The following EYA1 variants were observed in gnomAD, a reference collection of about 807,000 sequenced individuals.
EYA1 encodes the protein EYA transcriptional coactivator and phosphatase 1, also known as protein phosphatase EYA1.
In EYA1, 16 loss-of-function variants were observed where a neutral mutation model predicts 82.0. The ratio of observed to expected loss-of-function variants is 0.20; its 90% CI spans 0.13 to 0.30. EYA1 has a LOEUF of 0.30. Ranked by LOEUF, EYA1 falls within the 10% of genes least tolerant of loss-of-function variation. EYA1 has a pLI of 1.00. For missense variants in EYA1, 633 were observed against 730.7 expected, an observed-to-expected ratio of 0.87 and a Z score of 1.54; for synonymous variants, 261 against 264.4, an observed-to-expected ratio of 0.99 and a Z score of 0.12.
chr8:71,448,359 A>G (rs1005437666), intron 2 of EYA1, among the ~76,000 whole-genome samples: 2 of 152,172 alleles, frequency 1.3e-5, no homozygotes, highest in East Asian at 1.9e-4. Context: ...TGGCTCATCC[A>G]TAAGAAGCAA....
At chr8:71,223,898 T>A (rs1563647052) in intron 12 of EYA1, among the ~76,000 whole-genome samples, 1 of 152,172 alleles carries the variant, frequency 6.6e-6, no homozygotes, top group East Asian at 1.9e-4. Context: ...AGTTGTACTT[T>A]CCCCCCAAGC....
intron 9 of EYA1, among the ~76,000 whole-genome samples, chr8:71,285,086 A>G (rs1007837968): frequency 2.6e-5 from 4 of 152,214 alleles, no homozygotes; most frequent in Admixed American, 6.5e-5. Context: ...GAGATGCTCA[A>G]TGGCTGGTAA....
At chr8:71,504,284 A>G (rs10090235) in intron 2 of EYA1, among the ~76,000 whole-genome samples, 104,339 of 152,126 alleles carry the variant, frequency 0.69, 37,776 homozygotes, top group East Asian at 0.92. Context: ...GCATTTAAGT[A>G]TAAATGAGCT....
At position 71,358,334 on chromosome 8, in the gene EYA1, G is replaced by A. The variant is rs555190113; in HGVS notation, c.-54-1823C>T. On this transcript the variant is annotated intron_variant, in intron 1 of 17. Transcript: ENST00000340726. ...CACGACAACACATTTCTTTTATGCT[G>A]GTTCAACTAGACTCTACTGTATTTT... is the stretch of plus-strand genomic sequence containing the variant. 2.6e-5 allele frequency among the ~76,000 whole-genome samples: 4 copies of A among 152,154 alleles called. No individual in the cohort carries two copies. The South Asian group carries it at 8.3e-4, about 32-fold the overall frequency.
Position 71,516,551 on chromosome 8 carries a change from G to A in EYA1, c.33+19193C>T, listed in dbSNP as rs150602799. 3.3e-5 allele frequency among the ~76,000 whole-genome samples: 5 copies of A among 152,270 alleles called. No individual in the cohort carries two copies. In the East Asian group the frequency reaches 9.6e-4, roughly 29 times the overall value. The stretch of plus-strand genomic sequence containing the variant: ...GAGAGATGGTTCAAGATGATCCTCA[G>A]CCAGTAACACATAAATGATTATTTA... On this transcript the variant is annotated intron_variant, in intron 2 of 18. Transcript: ENST00000643681.
chr8:71,279,444 C>T (rs765769664), intron 9 of EYA1, among the ~76,000 whole-genome samples: 2 of 152,318 alleles, frequency 1.3e-5, no homozygotes, highest in African/African-American at 4.8e-5. Flanking sequence ...AGGTTGAAAT[C>T]TAAGTCAAGA....
At chr8:71,278,579 C>T (rs953821041) in intron 9 of EYA1, among the ~76,000 whole-genome samples, 1 of 152,174 alleles carries the variant, frequency 6.6e-6, no homozygotes, top group Admixed American at 6.5e-5. Flanking sequence ...AGTCCAAATC[C>T]TTTGCCAGTT....
At chr8:71,305,610 C>G (rs1006540968) in intron 7 of EYA1, among the ~76,000 whole-genome samples, 1 of 151,824 alleles carries the variant, frequency 6.6e-6, no homozygotes, top group Non-Finnish European at 1.5e-5. Flanking sequence ...CATGCTATTG[C>G]GCTCCAGCTT....
chr8:71,499,526 T>C (rs1464296394), intron 2 of EYA1, among the ~76,000 whole-genome samples: 2 of 152,146 alleles, frequency 1.3e-5, no homozygotes, highest in Non-Finnish European at 2.9e-5. Context: ...GCCATTATGT[T>C]ACATGAGGCA....
At chr8:71,226,920 C>T (rs576341723) in intron 12 of EYA1, among the ~76,000 whole-genome samples, 123 of 151,924 alleles carry the variant, frequency 8.1e-4, no homozygotes, top group African/African-American at 2.6e-3. Context: ...ATTTATGGTT[C>T]AGTTAATTTA....
At chr8:71,207,361 A>G (rs373390388) in intron 17 of EYA1, among the ~76,000 whole-genome samples, 2 of 152,356 alleles carry the variant, frequency 1.3e-5, no homozygotes, top group South Asian at 2.1e-4. Context: ...TTCTCCTTCA[A>G]TAAAGTTAGA....
chr8:71,356,673 G>T (rs1271872633), intron 1 of EYA1, 162 bp from the exon 2 acceptor site: 1 of 1,320,926 alleles, frequency 7.6e-7, no homozygotes, highest in African/African-American at 1.5e-5. Context: ...TTTAAGTTGA[G>T]GTCTCAACTG....
intron 11 of EYA1, among the ~76,000 whole-genome samples, chr8:71,266,437 C>T (rs1036540616): frequency 6.6e-6 from 1 of 152,136 alleles, no homozygotes; most frequent in Non-Finnish European, 1.5e-5. Context: ...AGAGCCAATT[C>T]TTATCAACTG....
intron 12 of EYA1, among the ~76,000 whole-genome samples, chr8:71,224,397 G>A (rs762226947): frequency 6.6e-6 from 1 of 152,236 alleles, no homozygotes; most frequent in Non-Finnish European, 1.5e-5. Flanking sequence ...TTACATCAAT[G>A]TGCCTATTGA....
At chr8:71,427,062 G>A (rs1405066129) in intron 2 of EYA1, among the ~76,000 whole-genome samples, 4 of 152,228 alleles carry the variant, frequency 2.6e-5, no homozygotes, top group Non-Finnish European at 5.9e-5. Flanking sequence ...AGAGTATGAA[G>A]CTGGTCTGCT....
chr8:71,326,612 A>G (rs1178588408), intron 4 of EYA1, among the ~76,000 whole-genome samples: 1 of 152,194 alleles, frequency 6.6e-6, no homozygotes, highest in East Asian at 1.9e-4. Flanking sequence ...CAGGGATACT[A>G]AGGCAGGCCT....
intron 2 of EYA1, among the ~76,000 whole-genome samples, chr8:71,521,452 A>G (rs1200276728): frequency 6.6e-6 from 1 of 152,132 alleles, no homozygotes; most frequent in Non-Finnish European, 1.5e-5. Context: ...ATTTTGTTAT[A>G]TTTTGATATA....
At chr8:71,504,823 A>T (rs926237590) in intron 2 of EYA1, among the ~76,000 whole-genome samples, 1 of 152,020 alleles carries the variant, frequency 6.6e-6, no homozygotes, top group African/African-American at 2.4e-5. Context: ...TTTTTTTGAG[A>T]CACAGTCTCC....
At chr8:71,246,963 C>A (rs1813174112) in intron 11 of EYA1, among the ~76,000 whole-genome samples, 1 of 151,464 alleles carries the variant, frequency 6.6e-6, no homozygotes, top group African/African-American at 2.4e-5. Flanking sequence ...CCTTCCAGCA[C>A]CTCCCACATC....
Sources: allele counts gnomAD v4.1 joint callset (sites outside exome capture counted in the v4.1 genomes callset), GRCh38; gene constraint gnomAD v4.1.1; transcripts MANE v1.5; gene names NCBI Gene and HGNC (gene_info 2026-07-23, HGNC 2026-07-21).